SAG: variants seen among roughly 807,000 people sequenced by gnomAD.
SAG encodes S-antigen visual arrestin, also known as S-arrestin.
In SAG, 45 loss-of-function variants were observed where a neutral mutation model predicts 55.0. That is an observed-to-expected ratio of 0.82 (90% confidence interval 0.64 to 1.05). The LOEUF (loss-of-function observed/expected upper bound fraction) is 1.05, where lower values mean the gene tolerates loss of function less well. SAG is among the 50% of genes least tolerant of loss of function. The pLI is 0.00. For missense variants in SAG, 455 were observed against 512.1 expected (o/e 0.89, Z 1.08); for synonymous variants, 189 against 197.4 (o/e 0.96, Z 0.36).
intron 11 of SAG, among the ~76,000 whole-genome samples, chr2:233,337,143 G>A (rs925813587): frequency 6.6e-6 from 1 of 151,538 alleles, no homozygotes; most frequent in Non-Finnish European, 1.5e-5. Context: ...TCTCAAGCTT[G>A]TACCCCTTTT....
At chr2:233,315,788 C>T (rs193298341) in intron 2 of SAG, among the ~76,000 whole-genome samples, 37 of 151,534 alleles carry the variant, frequency 2.4e-4, no homozygotes, top group African/African-American at 7.0e-4. Context: ...CTGCAACCTC[C>T]GCCTCCCAGG....
Position 233,324,094 on chromosome 2 carries a change from G to C in SAG, c.435+1089G>C, listed in dbSNP as rs143183186. Among the ~76,000 whole-genome samples, 18 of 152,204 alleles carry C rather than the reference G, an allele frequency of 1.2e-4. No individual in the cohort carries two copies. The East Asian group carries it at 3.1e-3, about 26-fold the overall frequency. On this transcript the variant is annotated intron_variant, in intron 6 of 15. Transcript: ENST00000409110. Reference sequence around the variant, plus strand: ...GAGGAGGTTGCCTGCTGAGTGAGAGGAGCAAGGGATGAAAGGGGGAGGCCA... The same window carrying C: ...GAGGAGGTTGCCTGCTGAGTGAGAGCAGCAAGGGATGAAAGGGGGAGGCCA...
At position 233,340,874 on chromosome 2, in the gene SAG, C is replaced by T. The variant is rs1205115399; in HGVS notation, c.1046+396C>T. On this transcript the variant is annotated intron_variant, in intron 13 of 15. Coordinates refer to ENST00000409110, the MANE Select transcript of SAG (RefSeq NM_000541.5). The surrounding 1 kb of genome is among the most constrained non-coding windows in gnomAD (Gnocchi z 4.2). ...TGTGGCCCAGCCTGGAGTGCAGTGA[C>T]GTGATCTCGGCTCACCGTGACCTCC... Among the ~76,000 whole-genome samples the T allele has an allele frequency of 5.3e-5, 8 of 151,796 alleles. No individual in the cohort carries two copies. Among genetic ancestry groups the T allele is most frequent in the Non-Finnish European group, 8.8e-5 (6 of 67,948 alleles).
chr2:233,315,966 C>G (rs1320597057), intron 2 of SAG, 109 bp from the exon 3 acceptor site: 2 of 684,484 alleles, frequency 2.9e-6, no homozygotes, highest in Non-Finnish European at 5.3e-6. Context: ...TCCCAAAGTG[C>G]TAAGATTACA....
chr2:233,315,621 G>T (rs1161868183), intron 2 of SAG, among the ~76,000 whole-genome samples: 1 of 151,678 alleles, frequency 6.6e-6, no homozygotes, highest in South Asian at 2.1e-4. Flanking sequence ...ACAAAGAGGG[G>T]CTACCTTTCA....
chr2:233,345,399 C>T (rs928707802), intron 14 of SAG: 3 of 152,262 alleles, frequency 2.0e-5, no homozygotes, highest in Admixed American at 6.5e-5. Context: ...GCTCACGGCA[C>T]CCTGGCGACC....
intron 7 of SAG, 88 bp downstream of exon 7, chr2:233,327,285 C>T: frequency 9.3e-7 from 1 of 1,077,842 alleles, no homozygotes; most frequent in Non-Finnish European, 1.4e-6. Flanking sequence ...TGGGACAGAC[C>T]TCTTCCCATA....
At chr2:233,324,046 G>T (rs140827745) in intron 6 of SAG, among the ~76,000 whole-genome samples, 2 of 152,244 alleles carry the variant, frequency 1.3e-5, no homozygotes, top group African/African-American at 4.8e-5. Context: ...GGCGCACCTC[G>T]CCTGGTGTGT....
intron 9 of SAG, among the ~76,000 whole-genome samples, chr2:233,330,592 G>A (rs1700727906): frequency 6.7e-6 from 1 of 149,910 alleles, no homozygotes; most frequent in African/African-American, 2.5e-5. Flanking sequence ...GTGCAGTGGT[G>A]TGATCTCGGC....
chr2:233,321,855 G>A (rs1234457974), intron 5 of SAG, among the ~76,000 whole-genome samples: 4 of 152,104 alleles, frequency 2.6e-5, no homozygotes, highest in African/African-American at 9.7e-5. Context: ...TGTGCTGGGA[G>A]TTTGAAGTGA....
At chr2:233,309,337 G>A (rs1245778302) in intron 2 of SAG, 73 bp downstream of exon 2, 2 of 1,346,650 alleles carry the variant, frequency 1.5e-6, no homozygotes, top group Non-Finnish European at 2.1e-6. Flanking sequence ...CAAGTACAGT[G>A]TAGTCATGAT....
chr2:233,310,742 G>A (rs1033242723), intron 2 of SAG, among the ~76,000 whole-genome samples: 6 of 152,002 alleles, frequency 3.9e-5, no homozygotes, highest in South Asian at 2.1e-4. Flanking sequence ...CCTGACCTCA[G>A]GTGATCCGCC....
chr2:233,328,745 C>G (rs1700653517), intron 8 of SAG, 132 bp downstream of exon 8: 1 of 936,958 alleles, frequency 1.1e-6, no homozygotes, highest in Non-Finnish European at 1.6e-6. Context: ...GGATAAAGCA[C>G]CAACATGCGT....
chr2:233,338,576 C>A, intron 11 of SAG, 100 bp from the exon 12 acceptor site: 3 of 1,042,498 alleles, frequency 2.9e-6, no homozygotes, highest in Non-Finnish European at 4.5e-6. Flanking sequence ...CCCTGGAGAA[C>A]CTCCATGACG....
intron 12 of SAG, among the ~76,000 whole-genome samples, chr2:233,339,820 G>A (rs982576379): frequency 6.6e-6 from 1 of 151,534 alleles, no homozygotes; most frequent in African/African-American, 2.4e-5. Context: ...CCACCACCAT[G>A]CCTGGCTAAT....
intron 11 of SAG, among the ~76,000 whole-genome samples, chr2:233,337,113 A>G (rs1321656942): frequency 6.6e-6 from 1 of 151,746 alleles, no homozygotes; most frequent in African/African-American, 2.4e-5. Flanking sequence ...AAAAAAAGTC[A>G]ATCCCAGCAA....
chr2:233,328,380 T>G, intron 7 of SAG, 98 bp from the exon 8 acceptor site: 5 of 1,423,530 alleles, frequency 3.5e-6, no homozygotes, highest in Non-Finnish European at 4.8e-6. Flanking sequence ...TGGGGAGCAT[T>G]CCTGGAGAAT....
chr2:233,332,379 C>G (rs1260560530), intron 10 of SAG: 1 of 152,554 alleles, frequency 6.6e-6, no homozygotes, highest in Non-Finnish European at 1.5e-5. Context: ...AACTCTTTGC[C>G]TTGCTGGCAT....
chr2:233,335,097 C>T lies in SAG; in HGVS notation c.942C>T (p.Thr314=). The T allele has an allele frequency of 1.2e-6, 2 of 1,608,918 alleles. No individual in the cohort carries two copies. The highest frequency in any genetic ancestry group is 2.2e-5 in the South Asian group (2 of 90,968). ...AGGACACAAACCTTGCCTCCAGCACCATGTGAGTCCTCGAGGCTCAGGGAA... is the reference window on the plus strand; with the variant it reads ...AGGACACAAACCTTGCCTCCAGCACTATGTGAGTCCTCGAGGCTCAGGGAA... The part of the protein sequence containing the change: ...KHEDTNLASS[T]IIKEGIDRTV... The change falls in exon 11 of 16, where the codon ACC becomes ACT. Residue 314 remains threonine (T), a splice_region_variant and synonymous_variant. Transcript: ENST00000409110.
Sources: gnomAD v4.1 joint callset for allele counts (sites outside exome capture counted in the v4.1 genomes callset) on GRCh38, gnomAD v4.1.1 for gene constraint, Gnocchi (gnomAD v3.1) non-coding constraint, MANE v1.5 for transcripts, NCBI Gene and HGNC (gene_info 2026-07-23, HGNC 2026-07-21) for gene names.